PPP2R2C: variants seen among roughly 807,000 people sequenced by gnomAD.
PPP2R2C encodes the protein protein phosphatase 2, regulatory subunit B, gamma.
PPP2R2C carries 10 observed loss-of-function variants against 45.3 expected under a neutral mutation model. The observed-to-expected ratio is 0.22, with a 90% CI of 0.14 to 0.37. PPP2R2C has a LOEUF of 0.37. Ranked by LOEUF, PPP2R2C falls within the 10% of genes least tolerant of loss-of-function variation. The probability of loss-of-function intolerance (pLI) is 1.00; values close to 1 mark genes in which losing one functional copy is unlikely to be tolerated. For missense variants in PPP2R2C, 308 were observed against 619.7 expected, an observed-to-expected ratio of 0.50 and a Z score of 5.34; for synonymous variants, 257 against 245.4, an observed-to-expected ratio of 1.05 and a Z score of -0.44.
intron 2 of PPP2R2C, among the ~76,000 whole-genome samples, chr4:6,507,490 G>GGCTA (rs1329181155): frequency 1.3e-5 from 2 of 152,228 alleles, no homozygotes; most frequent in Non-Finnish European, 2.9e-5. Context: ...AAAGAAGGTG[G>GGCTA]GCTACCCTAC....
chr4:6,412,440 A>G (rs1024584038), intron 1 of PPP2R2C, among the ~76,000 whole-genome samples: 4 of 152,178 alleles, frequency 2.6e-5, no homozygotes, highest in Non-Finnish European at 5.9e-5. Flanking sequence ...ACAGGGGCTC[A>G]CCCCTCTATT....
chr4:6,397,224 C>T (rs1284049454), intron 1 of PPP2R2C, among the ~76,000 whole-genome samples: 1 of 152,234 alleles, frequency 6.6e-6, no homozygotes, highest in South Asian at 2.1e-4. Context: ...AAAGCCCCTA[C>T]CCATGCCATC....
intron 1 of PPP2R2C, among the ~76,000 whole-genome samples, chr4:6,464,067 G>A (rs967378666): frequency 2.0e-5 from 3 of 152,138 alleles, no homozygotes; most frequent in Non-Finnish European, 4.4e-5. Context: ...TACAAACTAT[G>A]TGACATTGAA....
chr4:6,367,032 T>A (rs762201624), intron 5 of PPP2R2C, among the ~76,000 whole-genome samples: 29 of 151,302 alleles, frequency 1.9e-4, no homozygotes, highest in Non-Finnish European at 3.5e-4. Flanking sequence ...GCTGGGCACC[T>A]CTTTCCATTC....
At chr4:6,542,783 A>G (rs1208800363) in intron 1 of PPP2R2C, among the ~76,000 whole-genome samples, 1 of 152,146 alleles carries the variant, frequency 6.6e-6, no homozygotes, top group African/African-American at 2.4e-5. Context: ...TTCTAGAAAA[A>G]TACAGCTCAC....
intron 2 of PPP2R2C, among the ~76,000 whole-genome samples, chr4:6,516,549 G>A (rs1013483623): frequency 6.6e-6 from 1 of 152,194 alleles, no homozygotes; most frequent in African/African-American, 2.4e-5. Flanking sequence ...CCCAGGTGTG[G>A]GCAGTACTGC....
chr4:6,356,944 T>C (rs959482790), intron 5 of PPP2R2C, among the ~76,000 whole-genome samples: 6 of 145,050 alleles, frequency 4.1e-5, no homozygotes, highest in African/African-American at 1.6e-4. Context: ...AAATCCCCCT[T>C]TCATCTGCTG....
chr4:6,454,498 G>A (rs1287428348), intron 1 of PPP2R2C, among the ~76,000 whole-genome samples: 3 of 152,060 alleles, frequency 2.0e-5, no homozygotes, highest in Non-Finnish European at 2.9e-5. Flanking sequence ...GGGGAGCCCC[G>A]CCTTCCAACT....
intron 5 of PPP2R2C, among the ~76,000 whole-genome samples, chr4:6,355,233 C>A (rs976719207): frequency 6.6e-6 from 1 of 151,962 alleles, no homozygotes; most frequent in African/African-American, 2.4e-5. Flanking sequence ...CCATTGTGGT[C>A]CCCTCTGATC....
intron 1 of PPP2R2C, among the ~76,000 whole-genome samples, chr4:6,415,197 G>A (rs1435226646): frequency 6.6e-6 from 1 of 152,188 alleles, no homozygotes; most frequent in Non-Finnish European, 1.5e-5. Flanking sequence ...CTTTCAAAGG[G>A]ATCAAACTGG....
intron 2 of PPP2R2C, among the ~76,000 whole-genome samples, chr4:6,477,641 G>T (rs1722207680): frequency 6.6e-6 from 1 of 151,108 alleles, no homozygotes; most frequent in African/African-American, 2.4e-5. Context: ...CAGGAGAAGG[G>T]TGTGAACCCG....
At chr4:6,523,962 G>A (rs1308922649) in intron 2 of PPP2R2C, among the ~76,000 whole-genome samples, 1 of 152,180 alleles carries the variant, frequency 6.6e-6, no homozygotes, top group Admixed American at 6.5e-5. Flanking sequence ...TGACCAGGCT[G>A]GAGTGCAATG....
chr4:6,393,572 C>G (rs984639475), intron 1 of PPP2R2C, among the ~76,000 whole-genome samples: 1 of 152,256 alleles, frequency 6.6e-6, no homozygotes, highest in African/African-American at 2.4e-5. Context: ...TGGCCCCGGC[C>G]TCCAACCCGT....
intron 2 of PPP2R2C, among the ~76,000 whole-genome samples, chr4:6,513,417 T>C (rs1030153335): frequency 6.6e-6 from 1 of 152,082 alleles, no homozygotes; most frequent in African/African-American, 2.4e-5. Flanking sequence ...AGTGTGTGTC[T>C]GGGGAGCCCC....
chr4:6,452,913 T>A (rs1720816613), intron 1 of PPP2R2C, among the ~76,000 whole-genome samples: 1 of 152,060 alleles, frequency 6.6e-6, no homozygotes, highest in Admixed American at 6.5e-5. Flanking sequence ...CTGCCTACTG[T>A]CTAGAAGGGC....
chr4:6,324,804 A>T lies in PPP2R2C; in HGVS notation c.1053-1211T>A, dbSNP rs981721456. Among the ~76,000 whole-genome samples, 2 of 152,242 alleles carry T rather than the reference A, an allele frequency of 1.3e-5. No individual in the cohort carries two copies. The highest frequency in any genetic ancestry group is 4.8e-5 in the African/African-American group (2 of 41,468). The stretch of plus-strand genomic sequence containing the variant: ...CCACATAGTAAGAGGCAGGAGAGAA[A>T]GCACAGTTCTGTGGGCCTGCGCCCA... On this transcript the variant is annotated intron_variant, in intron 8 of 8. Coordinates refer to ENST00000382599, the MANE Select transcript of PPP2R2C (RefSeq NM_020416.4). The surrounding 1 kb of genome is among the most constrained non-coding windows in gnomAD (Gnocchi z 4.1).
intron 1 of PPP2R2C, among the ~76,000 whole-genome samples, chr4:6,423,838 G>A (rs1719122142): frequency 6.6e-6 from 1 of 152,222 alleles, no homozygotes; most frequent in Admixed American, 6.5e-5. Context: ...AGATCATGTA[G>A]TAGGGCCATG....
intron 2 of PPP2R2C, among the ~76,000 whole-genome samples, chr4:6,489,014 G>A (rs540279500): frequency 1.3e-5 from 2 of 152,240 alleles, no homozygotes; most frequent in South Asian, 4.1e-4. Context: ...TAACTCCAGA[G>A]CTGTCTTTCT....
intron 1 of PPP2R2C, among the ~76,000 whole-genome samples, chr4:6,387,807 G>GAAAAA (rs10623195): frequency 7.0e-6 from 1 of 143,464 alleles, no homozygotes. Flanking sequence ...CAACAGTGAA[G>GAAAAA]AAAAAAAAAA....
Sources: allele counts gnomAD v4.1 joint callset (sites outside exome capture counted in the v4.1 genomes callset), GRCh38; gene constraint gnomAD v4.1.1; non-coding constraint Gnocchi (gnomAD v3.1); transcripts MANE v1.5; gene names NCBI Gene and HGNC (gene_info 2026-07-23, HGNC 2026-07-21).